The following SLC7A2 variants were observed in gnomAD, a reference collection of about 807,000 sequenced individuals.
SLC7A2 encodes the protein cationic amino acid transporter 2.
Under a neutral mutation model 58.9 loss-of-function variants are expected in SLC7A2, and 48 were observed. The observed-to-expected ratio is 0.82, with a 90% CI of 0.65 to 1.04. SLC7A2 has a LOEUF of 1.04. Among genes scored for constraint, SLC7A2 ranks in the 50% least tolerant of loss-of-function variants. The pLI is 0.00. For synonymous variants in SLC7A2, 363 were observed against 314.5 expected (o/e 1.15, Z -1.63); for missense variants, 1,029 against 818.8 (o/e 1.26, Z -3.13).
intron 2 of SLC7A2, among the ~76,000 whole-genome samples, chr8:17,536,602 G>C (rs1288743641): frequency 2.6e-5 from 4 of 151,956 alleles, no homozygotes; most frequent in African/African-American, 7.3e-5. Flanking sequence ...TTCAAGGAGA[G>C]AGTATATACG....
upstream of SLC7A2, among the ~76,000 whole-genome samples, chr8:17,496,849 C>G (rs1421319550): frequency 6.6e-6 from 1 of 152,022 alleles, no homozygotes; most frequent in Non-Finnish European, 1.5e-5. Flanking sequence ...TCTTCCCCGG[C>G]CCGCGCCCAC....
chr8:17,538,769 T>C (rs968148511), intron 2 of SLC7A2: 6 of 1,607,936 alleles, frequency 3.7e-6, no homozygotes, highest in African/African-American at 1.3e-5. Flanking sequence ...TACTTTTTTT[T>C]CCATCAGTCC....
chr8:17,543,405 G>A lies in SLC7A2; in HGVS notation c.66G>A (p.Leu22=). The change falls in exon 3 of 13, where the codon CTG becomes CTA. Residue 22 remains leucine, a synonymous_variant. Transcript: ENST00000494857. The stretch of plus-strand genomic sequence containing the variant: ...TGATCCGGAGAAAAATCGTGACCCT[G>A]GACAGTCTAGAAGACACCAAATTAT... ...RCLIRRKIVT[L]DSLEDTKLCR... is the part of the protein sequence containing the mutation. 8.1e-6 allele frequency: 13 copies of A among 1,614,110 alleles called. No individual in the cohort carries two copies. Among genetic ancestry groups the A allele is most frequent in the Non-Finnish European group, 1.0e-5 (12 of 1,180,008 alleles).
In SLC7A2 at chr8:17,521,463, C is replaced by G. The variant is rs180679174; in HGVS notation, c.-23+19161C>G. Among the ~76,000 whole-genome samples, 779 of 152,330 alleles carry G rather than the reference C, an allele frequency of 5.1e-3. 4 individuals are homozygous for G. The highest frequency in any genetic ancestry group is 6.1e-3 in the Non-Finnish European group (416 of 68,022). Reference sequence around the variant, plus strand: ...TGTCTGTCTCATTAATTTCTGTAAACGTCTTGGTTAAGGAATTACACTGAG... The same window carrying G: ...TGTCTGTCTCATTAATTTCTGTAAAGGTCTTGGTTAAGGAATTACACTGAG... On this transcript the variant is annotated intron_variant, in intron 2 of 12. Coordinates refer to ENST00000494857, the MANE Select transcript of SLC7A2 (RefSeq NM_001370338.1).
At chr8:17,529,184 A>C (rs1801336631) in intron 2 of SLC7A2, among the ~76,000 whole-genome samples, 1 of 152,134 alleles carries the variant, frequency 6.6e-6, no homozygotes, top group Non-Finnish European at 1.5e-5. Flanking sequence ...CTTCTGCTGC[A>C]CTCTGTTCAG....
At chr8:17,542,480 G>A (rs1801954536) in intron 2 of SLC7A2, among the ~76,000 whole-genome samples, 1 of 152,134 alleles carries the variant, frequency 6.6e-6, no homozygotes, top group African/African-American at 2.4e-5. Context: ...GTGAGACCCT[G>A]TCTCTACGAA....
chr8:17,538,693 C>T lies in SLC7A2; in HGVS notation c.-22-4625C>T, dbSNP rs539100767. On this transcript the variant is annotated intron_variant, in intron 2 of 12. Coordinates refer to ENST00000494857, the MANE Select transcript of SLC7A2 (RefSeq NM_001370338.1). ...GTAGAAACGTTGGGTTTGGACATTG[C>T]AAAATAAAAAAGATCTAGGGCAAAA... 7.4e-6 allele frequency: 8 copies of T among 1,081,514 alleles called. No homozygotes were observed. The African/African-American group carries it at 9.7e-5, about 13-fold the overall frequency. 67.0% of individuals were successfully genotyped at this position (1,081,514 alleles called of 1,614,324 possible).
Position 17,551,963 on chromosome 8 carries a change from T to C in SLC7A2, c.1032T>C (p.Gly344=), listed in dbSNP as rs1263453372. 6.2e-7 allele frequency: 1 copy of C among 1,613,984 alleles called. No homozygotes were observed. Residue 344 remains glycine (G), a synonymous_variant, in exon 7 of 13, where the codon GGT becomes GGC. Coordinates refer to ENST00000494857, the MANE Select transcript of SLC7A2 (RefSeq NM_001370338.1). ...WGPAKYVVAA[G]SLCALSTSLL... ...CTGCCAAATATGTCGTCGCAGCTGG[T>C]TCTCTCTGCGCCTTGTCAACAAGGT...
At chr8:17,501,437 G>A (rs1290127634) in intron 1 of SLC7A2, among the ~76,000 whole-genome samples, 1 of 152,156 alleles carries the variant, frequency 6.6e-6, no homozygotes, top group African/African-American at 2.4e-5. Context: ...GGCTATTTTA[G>A]AGGCTGGATT....
chr8:17,497,059 T>C (rs890106936), upstream of SLC7A2: 24 of 150,750 alleles, frequency 1.6e-4, no homozygotes, highest in African/African-American at 5.8e-4. Context: ...CCCGGGTGGC[T>C]ACACAGAGGG....
chr8:17,565,065 A>C lies in SLC7A2; in HGVS notation c.1896A>C (p.Lys632Asn). 1 of 1,614,026 alleles carries C rather than the reference A, an allele frequency of 6.2e-7. No individual in the cohort carries two copies. The highest frequency in any genetic ancestry group is 1.7e-5 in the Admixed American group (1 of 60,010). ...PDNVHAAAEE[K>N]SAIQANDHHP... ...ACGTTCATGCAGCAGCAGAAGAAAA[A>C]TCTGCCATTCAAGCAAATGACCATC... The change falls in exon 13 of 13, where the codon AAA becomes AAC. Residue 632 changes from lysine (K) to asparagine (N), a missense_variant. Physicochemically the swap from Lys to Asn is moderately conservative, Grantham distance 94. Coordinates refer to ENST00000494857, the MANE Select transcript of SLC7A2 (RefSeq NM_001370338.1).
chr8:17,529,679 T>C (rs1801362939), intron 2 of SLC7A2, among the ~76,000 whole-genome samples: 1 of 151,990 alleles, frequency 6.6e-6, no homozygotes, highest in Non-Finnish European at 1.5e-5. Flanking sequence ...GGATTATATG[T>C]GTCCACCACC....
upstream of SLC7A2, among the ~76,000 whole-genome samples, chr8:17,495,584 C>T (rs1380386697): frequency 1.3e-5 from 2 of 152,216 alleles, no homozygotes; most frequent in Non-Finnish European, 2.9e-5. Context: ...GAATCTCACT[C>T]TGTCGCCCAG....
chr8:17,503,251 C>T (rs895672167), intron 2 of SLC7A2, among the ~76,000 whole-genome samples: 4 of 152,002 alleles, frequency 2.6e-5, no homozygotes, highest in Non-Finnish European at 4.4e-5. Context: ...GGGGTTTCAC[C>T]GCGTTAGCCA....
chr8:17,497,731 G>A (rs1800009619), intron 1 of SLC7A2, among the ~76,000 whole-genome samples: 1 of 152,204 alleles, frequency 6.6e-6, no homozygotes, highest in Non-Finnish European at 1.5e-5. Context: ...TTAGAAAGCC[G>A]GCTTGGAGCG....
rs771458553 is a variant in SLC7A2 at position 17,544,621 on chromosome 8, T to C, written c.532+15T>C. ...ACTTCTAGCAGGTAAGAAAACCAGT[T>C]ATGAGTCTCTGCAGAATGAGCCACA... On this transcript the variant is annotated intron_variant, in intron 4 of 12. Coordinates refer to ENST00000494857, the MANE Select transcript of SLC7A2 (RefSeq NM_001370338.1). The C allele has an allele frequency of 6.2e-7, 1 of 1,611,818 alleles. No homozygotes were observed. The highest frequency in any genetic ancestry group is 1.1e-5 in the South Asian group (1 of 90,684).
At chr8:17,517,850 G>C (rs1214953525) in intron 2 of SLC7A2, among the ~76,000 whole-genome samples, 2 of 152,088 alleles carry the variant, frequency 1.3e-5, no homozygotes, top group Non-Finnish European at 2.9e-5. Flanking sequence ...GGAACTGCTA[G>C]CATTCTGTTT....
intron 2 of SLC7A2, among the ~76,000 whole-genome samples, chr8:17,537,126 G>A (rs565033193): frequency 2.0e-4 from 31 of 152,252 alleles, no homozygotes; most frequent in Non-Finnish European, 3.4e-4. Flanking sequence ...GCACGATCTT[G>A]GCTCACCGCA....
At chr8:17,556,301 T>C (rs1248161645) in intron 8 of SLC7A2, among the ~76,000 whole-genome samples, 1 of 152,216 alleles carries the variant, frequency 6.6e-6, no homozygotes, top group African/African-American at 2.4e-5. Flanking sequence ...TCCGGTAAAA[T>C]ACTTGCCAGT....
Sources: allele counts gnomAD v4.1 joint callset (sites outside exome capture counted in the v4.1 genomes callset), GRCh38; gene constraint gnomAD v4.1.1; transcripts MANE v1.5; gene names NCBI Gene and HGNC (gene_info 2026-07-23, HGNC 2026-07-21).